Variants in GPR141 observed in about 807,000 individuals in gnomAD.
GPR141 encodes probable G protein-coupled receptor 141.
Under a neutral mutation model 6.8 loss-of-function variants are expected in GPR141, and 6 were observed. The observed-to-expected ratio is 0.88, with a 90% CI of 0.48 to 1.74. GPR141 has a LOEUF of 1.74. Ranked by LOEUF, GPR141 falls within the 40% of genes most tolerant of loss-of-function variation. The pLI is 0.01. For synonymous variants in GPR141, 140 were observed against 142.3 expected, an observed-to-expected ratio of 0.98 and a Z score of 0.11; for missense variants, 372 against 372.9, an observed-to-expected ratio of 1.00 and a Z score of 0.02.
chr7:37,709,579 T>C (rs1810694179), intron 2 of GPR141: 1 of 152,250 alleles, frequency 6.6e-6, no homozygotes, highest in Non-Finnish European at 1.5e-5. Context: ...TCAGCTCTAA[T>C]GAGCAACATC....
At chr7:37,736,238 C>G (rs1237794174) in intron 2 of GPR141, among the ~76,000 whole-genome samples, 1 of 150,114 alleles carries the variant, frequency 6.7e-6, no homozygotes, top group Non-Finnish European at 1.5e-5. Flanking sequence ...GGTGACAGAG[C>G]AAGACTCTTT....
chr7:37,690,890 T>A (rs1250761038), intron 2 of GPR141, among the ~76,000 whole-genome samples: 1 of 152,238 alleles, frequency 6.6e-6, no homozygotes, highest in Non-Finnish European at 1.5e-5. Context: ...CTATATCATT[T>A]GGCCATGCTG....
At chr7:37,735,720 GA>G (rs541385446) in intron 2 of GPR141, among the ~76,000 whole-genome samples, 2 of 151,860 alleles carry the variant, frequency 1.3e-5, no homozygotes, top group East Asian at 3.9e-4. Context: ...AAAACCAAGA[GA>G]AAAAAACAGA....
chr7:37,713,599 A>G (rs1810911602), intron 2 of GPR141: 1 of 152,194 alleles, frequency 6.6e-6, no homozygotes, highest in Non-Finnish European at 1.5e-5. Context: ...ATGCTTCCAA[A>G]GCTATACTTG....
At position 37,692,102 on chromosome 7, in the gene GPR141, C is replaced by A. The variant is rs146396316; in HGVS notation, c.-15+6519C>A. ...ATGGTGGTTTGCTGCACCCATTGAC[C>A]TGTTATCTATATTAGGTATTTCTCC... On this transcript the variant is annotated intron_variant, in intron 2 of 2. Transcript: ENST00000334425. 7.6e-4 allele frequency among the ~76,000 whole-genome samples: 116 copies of A among 152,122 alleles called. 1 individual carries two copies. Among genetic ancestry groups the A allele is most frequent in the Admixed American group, 3.1e-3 (47 of 15,270 alleles).
At chr7:37,692,258 G>C (rs1019039811) in intron 2 of GPR141, among the ~76,000 whole-genome samples, 1 of 151,440 alleles carries the variant, frequency 6.6e-6, no homozygotes, top group African/African-American at 2.4e-5. Context: ...TTGGTTTTCT[G>C]TTCCTCTGTT....
intron 2 of GPR141, among the ~76,000 whole-genome samples, chr7:37,720,689 T>C (rs2597271): frequency 0.77 from 115,566 of 149,154 alleles, 45,062 homozygotes; most frequent in African/African-American, 0.88. Flanking sequence ...TGCAGTGAGC[T>C]GAGATTGCGC....
chr7:37,723,244 C>T (rs565059043), intron 2 of GPR141, among the ~76,000 whole-genome samples: 6 of 151,966 alleles, frequency 3.9e-5, no homozygotes, highest in Admixed American at 2.0e-4. Context: ...CCACCCACCT[C>T]GGCCTCCCAA....
At chr7:37,701,318 A>G (rs1174026763) in intron 2 of GPR141, among the ~76,000 whole-genome samples, 8 of 152,214 alleles carry the variant, frequency 5.3e-5, no homozygotes, top group Admixed American at 5.2e-4. Context: ...AAAAATGGTC[A>G]TCCATGTATT....
chr7:37,735,354 G>A (rs1007386449), intron 2 of GPR141, among the ~76,000 whole-genome samples: 39 of 152,186 alleles, frequency 2.6e-4, no homozygotes, highest in Admixed American at 1.4e-3. Flanking sequence ...GGGACTTGGG[G>A]GGATGGGAGA....
chr7:37,730,063 A>T (rs1050757395), intron 2 of GPR141: 2 of 152,206 alleles, frequency 1.3e-5, no homozygotes, highest in Non-Finnish European at 2.9e-5. Flanking sequence ...TAAGTATAAC[A>T]CCAGCATCAC....
At chr7:37,714,282 T>C (rs892304341) in intron 2 of GPR141, among the ~76,000 whole-genome samples, 1 of 152,236 alleles carries the variant, frequency 6.6e-6, no homozygotes, top group African/African-American at 2.4e-5. Flanking sequence ...TCTTCTCTTA[T>C]TTCAATTACT....
At chr7:37,731,067 A>G (rs1811906065) in intron 2 of GPR141, among the ~76,000 whole-genome samples, 1 of 152,250 alleles carries the variant, frequency 6.6e-6, no homozygotes, top group African/African-American at 2.4e-5. Context: ...CTATTGAAAT[A>G]AACCACTGTA....
At chr7:37,694,127 G>C (rs964177394) in intron 2 of GPR141, among the ~76,000 whole-genome samples, 1 of 152,204 alleles carries the variant, frequency 6.6e-6, no homozygotes, top group Non-Finnish European at 1.5e-5. Context: ...GCTTTGGGCA[G>C]CCAAGGAACT....
At chr7:37,720,690 G>A (rs1811278070) in intron 2 of GPR141, among the ~76,000 whole-genome samples, 1 of 148,228 alleles carries the variant, frequency 6.7e-6, no homozygotes, top group Admixed American at 6.7e-5. Context: ...GCAGTGAGCT[G>A]AGATTGCGCC....
chr7:37,685,380 GCCTGCCTGCCTGCCTT>G (rs1201927545), intron 1 of GPR141, 64 bp from the exon 2 acceptor site: 1 of 132,572 alleles, frequency 7.5e-6, no homozygotes, highest in Non-Finnish European at 1.7e-5. Flanking sequence ...CTGCCTGCCT[GCCTGCCTGCCTGCCTT>G]CCTGCCTTCT....
intron 2 of GPR141, among the ~76,000 whole-genome samples, chr7:37,722,544 A>C (rs1322882535): frequency 1.3e-5 from 2 of 152,018 alleles, no homozygotes; most frequent in Non-Finnish European, 2.9e-5. Context: ...CAACATGGTG[A>C]AACCCCGTCT....
chr7:37,703,073 A>G (rs1363343929), intron 2 of GPR141, among the ~76,000 whole-genome samples: 1 of 152,018 alleles, frequency 6.6e-6, no homozygotes, highest in Non-Finnish European at 1.5e-5. Flanking sequence ...AACCGGTAGT[A>G]TTATCTTTCA....
chr7:37,742,242 T>TTA lies in GPR141; in HGVS notation c.*945_*946dup, dbSNP rs1295684263. 1.2e-3 allele frequency among the ~76,000 whole-genome samples: 187 copies of TTA among 151,202 alleles called. 1 individual carries two copies. Among genetic ancestry groups the TTA allele is most frequent in the South Asian group, 2.3e-3 (11 of 4,786 alleles). On this transcript the variant is annotated 3_prime_UTR_variant, in exon 3 of 3. Transcript: ENST00000334425. Reference sequence around the variant, plus strand: ...TTAGAGCTCCCTTCCGCCGTTAAAATTATATATATATATATTTAAATTATA... The same window carrying TTA: ...TTAGAGCTCCCTTCCGCCGTTAAAATTATATATATATATATATTTAAATTATA...
Sources: gnomAD v4.1 joint callset for allele counts (sites outside exome capture counted in the v4.1 genomes callset) on GRCh38, gnomAD v4.1.1 for gene constraint, MANE v1.5 for transcripts, NCBI Gene and HGNC (gene_info 2026-07-23, HGNC 2026-07-21) for gene names.